UHRF1: variants seen among roughly 807,000 people sequenced by gnomAD.
UHRF1 encodes the protein ubiquitin like with PHD and ring finger domains 1.
In UHRF1, 9 loss-of-function variants were observed where a neutral mutation model predicts 96.5. The observed-to-expected ratio is 0.09, with a 90% confidence interval of 0.06 to 0.16. The LOEUF (loss-of-function observed/expected upper bound fraction) is 0.16. UHRF1 is among the 10% of genes least tolerant of loss of function. The pLI is 1.00. For synonymous variants in UHRF1, 455 were observed against 469.9 expected (o/e 0.97, Z 0.41); for missense variants, 626 against 1,131.1 (o/e 0.55, Z 6.40).
In UHRF1 at chr19:4,930,924, C is replaced by T. The variant is rs545020720; in HGVS notation, c.569+48C>T. ...GCCTGGGTATTCAGGCTCTGTGACG[C>T]GCATCCTTGGCTGCGGGTGTTCAGG... On this transcript the variant is annotated intron_variant, in intron 4 of 16. Coordinates refer to ENST00000650932, the MANE Select transcript of UHRF1 (RefSeq NM_001048201.3). The surrounding 1 kb of genome is among the most constrained non-coding windows in gnomAD (Gnocchi z 4.4). 99 of 1,605,498 alleles carry T rather than the reference C, an allele frequency of 6.2e-5. No homozygotes were observed. The East Asian group carries it at 1.4e-3, about 23-fold the overall frequency.
intron 2 of UHRF1, among the ~76,000 whole-genome samples, chr19:4,923,132 A>G (rs1256223738): frequency 6.6e-6 from 1 of 151,824 alleles, no homozygotes; most frequent in African/African-American, 2.4e-5. Context: ...CCCCCTGCCT[A>G]CCCGCCACCA....
In UHRF1 at chr19:4,928,778, C is replaced by T. The variant is rs1051564216; in HGVS notation, c.154-444C>T. 2.0e-5 allele frequency among the ~76,000 whole-genome samples: 3 copies of T among 152,216 alleles called. No homozygotes were observed. The South Asian group carries it at 6.2e-4, about 31-fold the overall frequency. On this transcript the variant is annotated intron_variant, in intron 2 of 16. Coordinates refer to ENST00000650932, the MANE Select transcript of UHRF1 (RefSeq NM_001048201.3). Reference sequence around the variant, plus strand: ...ACCCACTCCATGCTAGGAGCTTCTCCCAGTGGCGACAACCACAAATGTCCC... The same window carrying T: ...ACCCACTCCATGCTAGGAGCTTCTCTCAGTGGCGACAACCACAAATGTCCC...
rs77046863 is a variant in UHRF1 at position 4,932,725 on chromosome 19, C to G, written c.570-16C>G. On this transcript the variant is annotated splice_polypyrimidine_tract_variant and intron_variant, in intron 4 of 16. Coordinates refer to ENST00000650932, the MANE Select transcript of UHRF1 (RefSeq NM_001048201.3). ...TGGTCTTAGCACGGGGTCTAAGGCC[C>G]GGGCTTTCCTCCCAGCTACCCGGAG... 6 of 1,612,860 alleles carry G rather than the reference C, an allele frequency of 3.7e-6. No individual in the cohort carries two copies. Among genetic ancestry groups the G allele is most frequent in the Non-Finnish European group, 5.1e-6 (6 of 1,179,360 alleles).
Position 4,950,976 on chromosome 19 carries a change from A to G in UHRF1, c.1798A>G (p.Lys600Glu). The G allele has an allele frequency of 6.2e-7, 1 of 1,610,788 alleles. No homozygotes were observed. ...WTKEGKDRIK[K>E]LGLTMQYPEG... ...GAAGGAGGGGAAGGACCGGATCAAG[A>G]AGCTGGGGCTGACCATGCAGGTGTG... Residue 600 changes from lysine (K) to glutamate (E), a missense_variant, in exon 13 of 17, where the codon AAG (lysine) becomes GAG (glutamate). By Grantham distance (56) the Lys-to-Glu change is moderately conservative. Around this residue, in one of 11 missense-constraint regions of UHRF1, gnomAD observed 61 missense variants for 199.2 expected, o/e 0.31. Coordinates refer to ENST00000650932, the MANE Select transcript of UHRF1 (RefSeq NM_001048201.3).
chr19:4,938,226 A>T (rs964628171), intron 5 of UHRF1, among the ~76,000 whole-genome samples: 3 of 152,028 alleles, frequency 2.0e-5, no homozygotes, highest in Admixed American at 6.6e-5. Context: ...AGGAGCTTTT[A>T]TGAATTGAAT....
intron 3 of UHRF1, among the ~76,000 whole-genome samples, chr19:4,929,973 T>C (rs1335885595): frequency 6.6e-6 from 1 of 150,970 alleles, no homozygotes; most frequent in East Asian, 1.9e-4. Context: ...GCTAATTTTA[T>C]TTTATTTTAT....
chr19:4,940,273 C>T (rs954129987), intron 5 of UHRF1, among the ~76,000 whole-genome samples: 2 of 149,072 alleles, frequency 1.3e-5, no homozygotes, highest in Admixed American at 6.8e-5. Context: ...ATGGGGATGT[C>T]GGATTATTGA....
chr19:4,917,375 G>A (rs1309515761), intron 2 of UHRF1, among the ~76,000 whole-genome samples: 2 of 151,776 alleles, frequency 1.3e-5, no homozygotes, highest in South Asian at 2.1e-4. Context: ...GGTCCACAAG[G>A]CCGGGCGTGG....
At chr19:4,913,904 TG>T (rs1284987318) in intron 2 of UHRF1, among the ~76,000 whole-genome samples, 1 of 144,662 alleles carries the variant, frequency 6.9e-6, no homozygotes, top group Non-Finnish European at 1.5e-5. Context: ...CTCCACCTCC[TG>T]GGTTCCAGCG....
chr19:4,916,633 C>T (rs375314443), intron 2 of UHRF1, among the ~76,000 whole-genome samples: 19 of 152,018 alleles, frequency 1.2e-4, no homozygotes, highest in African/African-American at 1.9e-4. Flanking sequence ...CTCGCGGCGC[C>T]GTCCACGCCA....
Position 4,918,324 on chromosome 19 carries a change from G to A in UHRF1, c.153+7286G>A, listed in dbSNP as rs954925909. ...TTTAGTAGAGACGGGGTTTCACCAC[G>A]TTGGCCAGGTTGGTCTCAAACTCCT... On this transcript the variant is annotated intron_variant, in intron 2 of 16. Coordinates refer to ENST00000650932, the MANE Select transcript of UHRF1 (RefSeq NM_001048201.3). Among the ~76,000 whole-genome samples, 48 of 151,596 alleles carry A rather than the reference G, an allele frequency of 3.2e-4. 1 individual carries two copies. The highest frequency in any genetic ancestry group is 1.8e-3 in the Admixed American group (27 of 15,156).
chr19:4,942,130 A>G (rs924412789), intron 7 of UHRF1, among the ~76,000 whole-genome samples, 199 bp downstream of exon 7: 1 of 151,978 alleles, frequency 6.6e-6, no homozygotes, highest in African/African-American at 2.4e-5. Flanking sequence ...AGCCTGGGGG[A>G]CGTAGAGACT....
chr19:4,945,914 C>T lies in UHRF1; in HGVS notation c.1359C>T (p.Ser453=), dbSNP rs1470198587. Residue 453 remains serine (S), a synonymous_variant, in exon 10 of 17, where the codon AGC becomes AGT. Coordinates refer to ENST00000650932, the MANE Select transcript of UHRF1 (RefSeq NM_001048201.3). ...RPHVAGIHGR[S]NDGAYSLVLA... is the part of the protein sequence containing the mutation. ...ACGTGGCTGGCATACACGGCCGGAG[C>T]AACGACGGAGCGTACTCCCTAGTCC... is the stretch of plus-strand genomic sequence containing the variant. The T allele has an allele frequency of 5.0e-6, 8 of 1,603,494 alleles. No individual in the cohort carries two copies. The highest frequency in any genetic ancestry group is 2.2e-5 in the East Asian group (1 of 44,600).
chr19:4,950,177 T>C (rs2033678319), intron 11 of UHRF1, among the ~76,000 whole-genome samples: 1 of 151,948 alleles, frequency 6.6e-6, no homozygotes, highest in South Asian at 2.1e-4. Context: ...AGCAACCCTG[T>C]CTCAAATAAA....
At chr19:4,927,964 C>T (rs771266571) in intron 2 of UHRF1, among the ~76,000 whole-genome samples, 3 of 152,252 alleles carry the variant, frequency 2.0e-5, no homozygotes, top group Non-Finnish European at 4.4e-5. Flanking sequence ...TTCACCTCCT[C>T]TCTCCCTTCC....
chr19:4,946,381 A>C (rs1198130381), intron 10 of UHRF1, among the ~76,000 whole-genome samples: 1 of 151,982 alleles, frequency 6.6e-6, no homozygotes, highest in African/African-American at 2.4e-5. Context: ...GCTGAGTCCT[A>C]TTCTGCCGTG....
intron 5 of UHRF1, among the ~76,000 whole-genome samples, chr19:4,935,424 C>G (rs896775865): frequency 1.3e-5 from 2 of 152,148 alleles, no homozygotes; most frequent in Non-Finnish European, 2.9e-5. Flanking sequence ...TCTAAATTAC[C>G]CAGTCTTTAT....
At chr19:4,949,874 G>C (rs1002817276) in intron 11 of UHRF1, among the ~76,000 whole-genome samples, 1 of 151,512 alleles carries the variant, frequency 6.6e-6, no homozygotes, top group Non-Finnish European at 1.5e-5. Flanking sequence ...TGTGTGCTTT[G>C]TTTTGTTTTT....
In UHRF1 at chr19:4,950,734, C is replaced by T. The variant is rs775618220; in HGVS notation, c.1641C>T (p.Tyr547=). 6.2e-6 allele frequency: 10 copies of T among 1,607,206 alleles called. No homozygotes were observed. The highest frequency in any genetic ancestry group is 2.2e-5 in the South Asian group (2 of 90,360). ...TCAAGGGTGGCAAGAATAGCAAGTA[C>T]GCCCCCGCTGAGGGCAACCGCTACG... ...RNVKGGKNSK[Y]APAEGNRYDG... Residue 547 remains tyrosine, a synonymous_variant, in exon 12 of 17, where the codon TAC becomes TAT. Coordinates refer to ENST00000650932, the MANE Select transcript of UHRF1 (RefSeq NM_001048201.3).
Sources: gnomAD v4.1 joint callset for allele counts (sites outside exome capture counted in the v4.1 genomes callset) on GRCh38, gnomAD v4.1.1 for gene constraint, gnomAD v4.1.1 regional missense constraint, Gnocchi (gnomAD v3.1) non-coding constraint, MANE v1.5 for transcripts, NCBI Gene and HGNC (gene_info 2026-07-23, HGNC 2026-07-21) for gene names.